PCDH15: variants seen among roughly 807,000 people sequenced by gnomAD.
PCDH15 encodes protocadherin related 15.
In PCDH15, 129 loss-of-function variants were observed where a neutral mutation model predicts 178.5. That is an observed-to-expected ratio of 0.72 (90% CI 0.63 to 0.84). The LOEUF is 0.84. Ranked by LOEUF, PCDH15 falls within the 40% of genes least tolerant of loss-of-function variation. The pLI is 0.00. For missense variants in PCDH15, 2,230 were observed against 2,099.9 expected (o/e 1.06, Z -1.21); for synonymous variants, 800 against 732.0 (o/e 1.09, Z -1.50).
At chr10:54,038,743 C>T (rs1352342174) in intron 18 of PCDH15, among the ~76,000 whole-genome samples, 2 of 151,994 alleles carry the variant, frequency 1.3e-5, no homozygotes, top group Non-Finnish European at 2.9e-5. Flanking sequence ...GGGAGATCTG[C>T]TTGGCACACA....
chr10:55,625,923 A>G (rs181951840), intron 2 of PCDH15, among the ~76,000 whole-genome samples: 2 of 152,174 alleles, frequency 1.3e-5, no homozygotes, highest in Admixed American at 1.3e-4. Context: ...TATACTCTCC[A>G]TGTCCTCCAA....
At chr10:54,000,453 A>G (rs1039097509) in intron 20 of PCDH15, among the ~76,000 whole-genome samples, 1 of 152,178 alleles carries the variant, frequency 6.6e-6, no homozygotes, top group African/African-American at 2.4e-5. Flanking sequence ...GAAGAAATTT[A>G]GAATTCTATC....
At chr10:55,103,233 A>G (rs942165539) in intron 2 of PCDH15, among the ~76,000 whole-genome samples, 1 of 152,034 alleles carries the variant, frequency 6.6e-6, no homozygotes, top group African/African-American at 2.4e-5. Context: ...AAAAGGAGTC[A>G]AAAGCAGTGT....
rs73261426 is a variant in PCDH15 at position 55,577,529 on chromosome 10, C to T, written c.-156+50096G>A. 6.5e-3 allele frequency among the ~76,000 whole-genome samples: 990 copies of T among 152,162 alleles called. 15 individuals carry two copies. The highest frequency in any genetic ancestry group is 0.023 in the African/African-American group (939 of 41,526). On this transcript the variant is annotated intron_variant, in intron 2 of 5. Transcript: ENST00000613346. ...CTACCCTCCAGAACTTATTAGTTTA[C>T]TTAAAATCATGTAAATTATTATCAG... is the stretch of plus-strand genomic sequence containing the variant.
At chr10:55,364,627 A>G (rs1845308839) in intron 2 of PCDH15, among the ~76,000 whole-genome samples, 1 of 152,022 alleles carries the variant, frequency 6.6e-6, no homozygotes, top group Non-Finnish European at 1.5e-5. Flanking sequence ...GCCTAATTAG[A>G]AAGTTTTCAG....
intron 2 of PCDH15, among the ~76,000 whole-genome samples, chr10:54,588,571 T>G (rs1027416128): frequency 1.2e-4 from 19 of 152,112 alleles, no homozygotes; most frequent in Admixed American, 1.2e-3. Flanking sequence ...TGCCATACTT[T>G]GTGTTTTGTT....
chr10:55,490,527 C>T (rs533570084), intron 2 of PCDH15, among the ~76,000 whole-genome samples: 6 of 151,832 alleles, frequency 4.0e-5, no homozygotes, highest in Admixed American at 2.6e-4. Context: ...TGAATATATG[C>T]GGATTGTCCT....
chr10:55,138,901 T>C (rs903754784), intron 2 of PCDH15, among the ~76,000 whole-genome samples: 48 of 152,252 alleles, frequency 3.2e-4, no homozygotes, highest in African/African-American at 1.1e-3. Flanking sequence ...TTAAACCCAG[T>C]ATAATGTTGA....
intron 28 of PCDH15, among the ~76,000 whole-genome samples, chr10:53,842,438 T>C (rs2077716555): frequency 6.6e-6 from 1 of 151,998 alleles, no homozygotes; most frequent in African/African-American, 2.4e-5. Flanking sequence ...GTAGAGACAG[T>C]GTTTCACCAT....
At chr10:54,132,675 G>A (rs1018537496) in intron 15 of PCDH15, among the ~76,000 whole-genome samples, 200 bp downstream of exon 15, 4 of 152,128 alleles carry the variant, frequency 2.6e-5, no homozygotes, top group East Asian at 3.8e-4. Flanking sequence ...CAATTGTGGC[G>A]ATCAATAGAA....
At chr10:54,316,529 TACACACACACAC>T (rs35604056) in intron 8 of PCDH15, among the ~76,000 whole-genome samples, 28,446 of 132,230 alleles carry the variant, frequency 0.22, 2,724 homozygotes, top group Admixed American at 0.26. Context: ...AATATGTGTA[TACACACACACAC>T]ACACACACAC....
At chr10:54,933,861 T>C (rs536190544) in intron 2 of PCDH15, among the ~76,000 whole-genome samples, 17 of 152,276 alleles carry the variant, frequency 1.1e-4, no homozygotes, top group African/African-American at 2.9e-4. Context: ...TAAATCCTTA[T>C]CCGTAGACAA....
intron 2 of PCDH15, among the ~76,000 whole-genome samples, chr10:55,625,326 G>T (rs1332524414): frequency 6.6e-6 from 1 of 151,962 alleles, no homozygotes; most frequent in Admixed American, 6.6e-5. Context: ...AAGAAAACAA[G>T]AAAATTTCAA....
intron 26 of PCDH15, among the ~76,000 whole-genome samples, chr10:53,892,391 C>T (rs967790300): frequency 1.3e-5 from 2 of 151,986 alleles, no homozygotes; most frequent in African/African-American, 4.8e-5. Flanking sequence ...AAAAGTAGTC[C>T]GATTTCTATT....
chr10:53,812,983 C>G (rs1441706834), intron 35 of PCDH15, among the ~76,000 whole-genome samples: 1 of 152,114 alleles, frequency 6.6e-6, no homozygotes, highest in Non-Finnish European at 1.5e-5. Flanking sequence ...GATAAAGACC[C>G]TCAGTTGTGC....
chr10:54,919,264 G>A (rs561813285), intron 2 of PCDH15, among the ~76,000 whole-genome samples: 1 of 152,158 alleles, frequency 6.6e-6, no homozygotes, highest in South Asian at 2.1e-4. Context: ...TGTAGTCATA[G>A]TTTCCCTACA....
intron 3 of PCDH15, among the ~76,000 whole-genome samples, chr10:54,846,295 C>T (rs1953510308): frequency 6.6e-6 from 1 of 152,090 alleles, no homozygotes; most frequent in Non-Finnish European, 1.5e-5. Context: ...GGATAATCTT[C>T]TAGAAAAAAA....
intron 1 of PCDH15, among the ~76,000 whole-genome samples, chr10:54,738,064 G>A (rs997894374): frequency 6.6e-6 from 1 of 152,020 alleles, no homozygotes; most frequent in African/African-American, 2.4e-5. Context: ...ATGTTCTGGA[G>A]AATAACGAAC....
intron 16 of PCDH15, among the ~76,000 whole-genome samples, chr10:54,083,464 T>C (rs905953388): frequency 2.6e-5 from 4 of 152,188 alleles, no homozygotes; most frequent in African/African-American, 9.7e-5. Context: ...AGGGACCTAC[T>C]TGCACATGTT....
Sources: allele counts gnomAD v4.1 joint callset (sites outside exome capture counted in the v4.1 genomes callset), GRCh38; gene constraint gnomAD v4.1.1; transcripts MANE v1.5; gene names NCBI Gene and HGNC (gene_info 2026-07-23, HGNC 2026-07-21).